The following LIN54 variants were observed in gnomAD, a reference collection of about 807,000 sequenced individuals.
LIN54 encodes the protein protein lin-54 homolog.
LIN54 carries 9 observed loss-of-function variants against 78.7 expected under a neutral mutation model. The observed-to-expected ratio is 0.11, with a 90% CI of 0.07 to 0.20. The LOEUF (loss-of-function observed/expected upper bound fraction) is 0.20. Ranked by LOEUF, LIN54 falls within the 10% of genes least tolerant of loss-of-function variation. LIN54 has a pLI of 1.00. For synonymous variants in LIN54, 269 were observed against 318.4 expected (o/e 0.84, Z 1.65); for missense variants, 573 against 889.9 (o/e 0.64, Z 4.53).
At chr4:82,937,359 G>C (rs1722471716) in intron 8 of LIN54, 61 bp from the exon 9 acceptor site, 2 of 1,050,130 alleles carry the variant, frequency 1.9e-6, no homozygotes, top group Admixed American at 2.6e-5. Flanking sequence ...AATTAATTTA[G>C]TTGCTACAAC....
chr4:82,990,830 C>A (rs1727626893), intron 1 of LIN54, among the ~76,000 whole-genome samples: 1 of 152,078 alleles, frequency 6.6e-6, no homozygotes, highest in South Asian at 2.1e-4. Flanking sequence ...CTGCTCTTTG[C>A]CCAGAGGGAG....
At chr4:82,932,863 G>A (rs536556934) in intron 11 of LIN54, among the ~76,000 whole-genome samples, 1 of 152,196 alleles carries the variant, frequency 6.6e-6, no homozygotes, top group East Asian at 1.9e-4. Context: ...TGGTGGGGAT[G>A]ATAAAGTGAG....
Position 83,010,800 on chromosome 4 carries a change from G to T in LIN54, c.-349C>A. The T allele has an allele frequency of 1.6e-6, 2 of 1,233,672 alleles. No homozygotes were observed. The allele number at this position is 1,233,672 out of a possible 1,614,324, so 76.4% of individuals were successfully genotyped here. A position where few individuals can be genotyped will look rare whatever the true frequency, so the allele number is the denominator to read the frequency against. On this transcript the variant is annotated 5_prime_UTR_variant, in exon 1 of 13. Transcript: ENST00000340417. Reference sequence around the variant, plus strand: ...TTCCCCGACAGCCGGAGCCCGGGCCGCCGCCGCCGCCGCCACCACCAGTAA... The same window carrying T: ...TTCCCCGACAGCCGGAGCCCGGGCCTCCGCCGCCGCCGCCACCACCAGTAA...
At chr4:82,958,735 C>T (rs1724544191) in intron 4 of LIN54, among the ~76,000 whole-genome samples, 1 of 152,082 alleles carries the variant, frequency 6.6e-6, no homozygotes, top group Non-Finnish European at 1.5e-5. Flanking sequence ...CTTGCTCTGG[C>T]TCCACTGCCC....
rs1216949866 is a variant in LIN54, at chr4:82,925,528, A to G, written c.*2574T>C. 7.8e-6 allele frequency: 1 copy of G among 128,678 alleles called. No individual in the cohort carries two copies. The highest frequency in any genetic ancestry group is 3.8e-5 in the African/African-American group (1 of 26,334). The allele number at this position is 128,678 out of a possible 1,614,324, so 8.0% of individuals were successfully genotyped here. On this transcript the variant is annotated 3_prime_UTR_variant, in exon 13 of 13. Coordinates refer to ENST00000340417, the MANE Select transcript of LIN54 (RefSeq NM_194282.4). ...TGCTCTTAAAAGAAACAGTGGGGAA[A>G]AAAAGAGAAGACATATTCTCATTTC...
At chr4:82,982,143 C>T (rs937622473) in intron 2 of LIN54, among the ~76,000 whole-genome samples, 4 of 152,042 alleles carry the variant, frequency 2.6e-5, no homozygotes, top group African/African-American at 9.7e-5. Context: ...TAGATACAAG[C>T]AACACTGGTC....
intron 3 of LIN54, among the ~76,000 whole-genome samples, chr4:82,976,982 T>A (rs1726213945): frequency 6.6e-6 from 1 of 152,172 alleles, no homozygotes; most frequent in South Asian, 2.1e-4. Context: ...AATTAAAAAA[T>A]AAAGTTACAA....
At chr4:82,985,600 G>A (rs1011286129) in intron 1 of LIN54, among the ~76,000 whole-genome samples, 1 of 152,218 alleles carries the variant, frequency 6.6e-6, no homozygotes, top group African/African-American at 2.4e-5. Flanking sequence ...AAGTGCAGTG[G>A]CACAATCTCA....
intron 2 of LIN54, 76 bp from the exon 3 acceptor site, chr4:82,979,082 C>A: frequency 8.6e-7 from 1 of 1,159,638 alleles, no homozygotes; most frequent in South Asian, 1.7e-5. Flanking sequence ...ACCAAAGATT[C>A]ACACAAAGTA....
intron 1 of LIN54, among the ~76,000 whole-genome samples, chr4:82,992,306 T>A (rs570705096): frequency 1.3e-5 from 2 of 152,352 alleles, no homozygotes; most frequent in Non-Finnish European, 2.9e-5. Flanking sequence ...CTCTCTTCAT[T>A]CCTCGTAGTG....
chr4:82,983,399 A>G (rs1355186994), intron 2 of LIN54, among the ~76,000 whole-genome samples: 1 of 152,198 alleles, frequency 6.6e-6, no homozygotes, highest in Non-Finnish European at 1.5e-5. Flanking sequence ...ATATTCCAGT[A>G]ACCTTCTTTC....
At position 82,994,555 on chromosome 4, in the gene LIN54, G is replaced by A. The variant is rs930445863; in HGVS notation, c.-32-9679C>T. ...TGGGATTACAGGTGCATGGCACCAC[G>A]CCCAGTTAATTTTTTTGTATTTTTA... On this transcript the variant is annotated intron_variant, in intron 1 of 12. Transcript: ENST00000340417. Among the ~76,000 whole-genome samples the A allele has an allele frequency of 3.9e-5, 6 of 152,002 alleles. No individual in the cohort carries two copies. In the East Asian group the frequency reaches 5.8e-4, roughly 15 times the overall value.
rs376526810 is a variant in LIN54 at position 82,938,355 on chromosome 4, T to C, written c.1532+58A>G. The C allele has an allele frequency of 2.8e-5, 26 of 936,394 alleles. No homozygotes were observed. The African/African-American group carries it at 3.1e-4, about 11-fold the overall frequency. The allele number at this position is 936,394 out of a possible 1,614,324, so 58.0% of individuals were successfully genotyped here. On this transcript the variant is annotated intron_variant, in intron 8 of 12. Coordinates refer to ENST00000340417, the MANE Select transcript of LIN54 (RefSeq NM_194282.4). ...GAGGATGTAGTTTGGAATATATATA[T>C]TTACTGTTGCATTTAAGCTGATCTA...
At chr4:82,953,912 C>T (rs1724063041) in intron 4 of LIN54, among the ~76,000 whole-genome samples, 1 of 151,976 alleles carries the variant, frequency 6.6e-6, no homozygotes, top group Non-Finnish European at 1.5e-5. Flanking sequence ...TGCACTCCAG[C>T]CTGGGTGACA....
chr4:82,961,983 T>G (rs1283389818), intron 4 of LIN54, among the ~76,000 whole-genome samples: 2 of 151,970 alleles, frequency 1.3e-5, no homozygotes, highest in African/African-American at 4.8e-5. Context: ...AAAAACACAT[T>G]TATTCATCCA....
intron 1 of LIN54, among the ~76,000 whole-genome samples, chr4:82,991,154 GAAAAAA>G (rs56936823): frequency 1.2e-5 from 1 of 86,360 alleles, no homozygotes; most frequent in African/African-American, 4.1e-5. Context: ...TGTCTCTTAA[GAAAAAA>G]AAAAAAAAAA....
At position 82,984,880 on chromosome 4, in the gene LIN54, T is replaced by C. The variant is rs1726983510; in HGVS notation, c.-32-4A>G. 6.5e-7 allele frequency: 1 copy of C among 1,535,360 alleles called. No individual in the cohort carries two copies. The highest frequency in any genetic ancestry group is 8.7e-7 in the Non-Finnish European group (1 of 1,144,790). On this transcript the variant is annotated splice_region_variant and splice_polypyrimidine_tract_variant and intron_variant, in intron 1 of 12. Transcript: ENST00000340417. ...CCGCTAGAAAGTTGATCAGGCACTGTAATAAAAGTTGAAAAATGAACAAGT... is the reference window on the plus strand; with the variant it reads ...CCGCTAGAAAGTTGATCAGGCACTGCAATAAAAGTTGAAAAATGAACAAGT...
chr4:82,990,486 CTTTTT>C (rs563326471), intron 1 of LIN54, among the ~76,000 whole-genome samples: 7 of 145,106 alleles, frequency 4.8e-5, no homozygotes, highest in Admixed American at 4.2e-4. Flanking sequence ...TAACACAAAT[CTTTTT>C]TTTTTTTTCT....
At chr4:82,933,538 A>G (rs1722143664) in intron 11 of LIN54, among the ~76,000 whole-genome samples, 1 of 152,238 alleles carries the variant, frequency 6.6e-6, no homozygotes, top group Non-Finnish European at 1.5e-5. Flanking sequence ...TAAAAAGCCA[A>G]TTCAGCTGAA....
Sources: allele counts gnomAD v4.1 joint callset (sites outside exome capture counted in the v4.1 genomes callset), GRCh38; gene constraint gnomAD v4.1.1; transcripts MANE v1.5; gene names NCBI Gene and HGNC (gene_info 2026-07-23, HGNC 2026-07-21).